Variants in IL6ST observed in about 807,000 individuals in gnomAD.
IL6ST encodes interleukin-6 receptor subunit beta.
Under a neutral mutation model 91.3 loss-of-function variants are expected in IL6ST, and 24 were observed. The observed-to-expected ratio is 0.26, with a 90% CI of 0.19 to 0.37. IL6ST has a LOEUF of 0.37. IL6ST is among the 10% of genes least tolerant of loss of function. IL6ST has a pLI of 1.00. For synonymous variants in IL6ST, 351 were observed against 373.6 expected, an observed-to-expected ratio of 0.94 and a Z score of 0.70; for missense variants, 914 against 1,078.5, an observed-to-expected ratio of 0.85 and a Z score of 2.14.
chr5:55,991,603 T>TTTTTTTTTTTTTTTTTTTTTTTTTTTGAG (rs1554029592), intron 1 of IL6ST, among the ~76,000 whole-genome samples: 2 of 151,916 alleles, frequency 1.3e-5, no homozygotes, highest in African/African-American at 4.9e-5. Flanking sequence ...AACACAACTT[T>TTTTTTTTTTTTTTTTTTTTTTTTTTTGAG]AAACCTGTCA....
intron 14 of IL6ST, among the ~76,000 whole-genome samples, chr5:55,951,178 G>A (rs995775700): frequency 1.1e-4 from 16 of 150,744 alleles, no homozygotes; most frequent in African/African-American, 3.4e-4. Flanking sequence ...GGATAGAGAA[G>A]GAAAGAACAC....
intron 2 of IL6ST, among the ~76,000 whole-genome samples, chr5:55,981,144 A>T (rs972419315): frequency 2.6e-5 from 4 of 152,236 alleles, no homozygotes; most frequent in Admixed American, 2.0e-4. Context: ...ACACAAGCAA[A>T]GCGAACTAGG....
At chr5:55,952,380 T>G (rs1751689792) in intron 11 of IL6ST, 29 bp from the exon 12 acceptor site, 1 of 1,290,556 alleles carries the variant, frequency 7.7e-7, no homozygotes, top group Non-Finnish European at 1.1e-6. Context: ...ATTAAGCATG[T>G]TTTTCCATAA....
intron 3 of IL6ST, among the ~76,000 whole-genome samples, chr5:55,973,678 C>T (rs1753094137): frequency 6.6e-6 from 1 of 152,164 alleles, no homozygotes; most frequent in Non-Finnish European, 1.5e-5. Context: ...TCTGATTGTG[C>T]CTGCCTATCT....
At position 55,956,159 on chromosome 5, in the gene IL6ST, T is replaced by C. The variant is rs149924543; in HGVS notation, c.1133A>G (p.Gln378Arg). ...VTLTRWKSHL[Q>R]NYTVNATKLT... is the part of the protein sequence containing the mutation. The stretch of plus-strand genomic sequence containing the variant: ...TTTTGTGGCATTAACTGTGTAATTT[T>C]GTAAATGTGATTTCCATCTTGTGAG... Residue 378 changes from glutamine to arginine, a missense_variant, in exon 10 of 17, where the codon CAA (glutamine) becomes CGA (arginine). Gln to Arg is a conservative substitution (Grantham distance 43). Transcript: ENST00000381298. 405 of 1,612,796 alleles carry C rather than the reference T, an allele frequency of 2.5e-4. No homozygotes were observed. Among genetic ancestry groups the C allele is most frequent in the Non-Finnish European group, 3.3e-4 (389 of 1,178,850 alleles).
At chr5:55,994,612 G>A (rs1466319637) in intron 1 of IL6ST, among the ~76,000 whole-genome samples, 172 bp downstream of exon 1, 2 of 152,086 alleles carry the variant, frequency 1.3e-5, no homozygotes, top group East Asian at 1.9e-4. Context: ...AGTAGAATTC[G>A]GAGGTCCGGG....
In IL6ST at chr5:55,941,514, T is replaced by C; in HGVS notation, c.2325A>G (p.Gln775=). The change falls in exon 17 of 17, where the codon CAA becomes CAG. Residue 775 remains glutamine (Q), a synonymous_variant. Transcript: ENST00000381298. ...SGYRHQVPSV[Q]VFSRSESTQP... is the part of the protein sequence containing the mutation. ...GGGTAGACTCGGATCTTGAGAAGAC[T>C]TGGACTGACGGAACTTGGTGTCTGT... 7.4e-6 allele frequency: 12 copies of C among 1,614,142 alleles called. No homozygotes were observed. The highest frequency in any genetic ancestry group is 1.0e-5 in the Non-Finnish European group (12 of 1,179,996).
chr5:55,990,289 AAAGAAG>A (rs67485722), intron 1 of IL6ST, among the ~76,000 whole-genome samples: 9 of 151,990 alleles, frequency 5.9e-5, no homozygotes, highest in Admixed American at 4.6e-4. Flanking sequence ...TTTAAAAAAA[AAAGAAG>A]AAGAAGAGAC....
At chr5:55,992,382 G>T (rs979979998) in intron 1 of IL6ST, among the ~76,000 whole-genome samples, 8 of 152,136 alleles carry the variant, frequency 5.3e-5, no homozygotes, top group African/African-American at 1.9e-4. Context: ...CTGAAGCCAG[G>T]CTGTCTATGT....
chr5:55,952,411 C>T (rs573761022), intron 11 of IL6ST, 60 bp from the exon 12 acceptor site: 5 of 902,232 alleles, frequency 5.5e-6, no homozygotes, highest in African/African-American at 5.0e-5. Context: ...AAGTTAATAC[C>T]GTAATTTATT....
Position 55,941,392 on chromosome 5 carries a change from T to C in IL6ST, c.2447A>G (p.Lys816Arg), listed in dbSNP as rs765498089. ...DGILPRQQYF[K>R]QNCSQHESSP... ...GGATTCATGCTGACTGCAGTTCTGT[T>C]TGAAGTACTGTTGCCTGGGCAAAAT... is the stretch of plus-strand genomic sequence containing the variant. Residue 816 changes from lysine (K) to arginine (R), a missense_variant, in exon 17 of 17, where the codon AAA (lysine) becomes AGA (arginine). Transcript: ENST00000381298. The C allele has an allele frequency of 6.8e-6, 11 of 1,614,080 alleles. No individual in the cohort carries two copies. In the Admixed American group the frequency reaches 1.8e-4, roughly 27 times the overall value.
At chr5:55,989,428 G>A (rs754903517) in intron 1 of IL6ST, among the ~76,000 whole-genome samples, 2 of 152,152 alleles carry the variant, frequency 1.3e-5, no homozygotes, top group African/African-American at 2.4e-5. Context: ...GCACATGCAT[G>A]TATAAGCATA....
At chr5:55,947,359 G>A in intron 15 of IL6ST, 134 bp downstream of exon 15, 2 of 615,290 alleles carry the variant, frequency 3.3e-6, no homozygotes, top group Non-Finnish European at 5.8e-6. Context: ...TGTGATTATG[G>A]TGGTAGTTAT....
intron 1 of IL6ST, among the ~76,000 whole-genome samples, chr5:55,987,073 G>A (rs191501505): frequency 1.1e-4 from 16 of 152,342 alleles, no homozygotes; most frequent in South Asian, 2.1e-4. Context: ...GCTGAGGTGA[G>A]AGGACTGCTT....
At chr5:55,953,883 A>G (rs1452643093) in intron 11 of IL6ST, among the ~76,000 whole-genome samples, 1 of 152,206 alleles carries the variant, frequency 6.6e-6, no homozygotes, top group Non-Finnish European at 1.5e-5. Flanking sequence ...GATACTCCAG[A>G]GGATGAGGCA....
intron 8 of IL6ST, among the ~76,000 whole-genome samples, chr5:55,958,256 C>T (rs1035053514): frequency 1.3e-5 from 2 of 151,974 alleles, no homozygotes; most frequent in African/African-American, 2.4e-5. Context: ...GGCCACCATA[C>T]CCAGCCAAAA....
chr5:55,956,060 G>C lies in IL6ST; in HGVS notation c.1232C>G (p.Ala411Gly). 1 of 1,613,298 alleles carries C rather than the reference G, an allele frequency of 6.2e-7. No individual in the cohort carries two copies. Among genetic ancestry groups the C allele is most frequent in the African/African-American group, 1.3e-5 (1 of 74,978 alleles). The change falls in exon 10 of 17, where the codon GCA becomes GGA. Residue 411 changes from alanine (A) to glycine (G), a missense_variant. By Grantham distance (60) the Ala-to-Gly change is moderately conservative. Coordinates refer to ENST00000381298, the MANE Select transcript of IL6ST (RefSeq NM_002184.4). ...TVRNLVGKSD[A>G]AVLTIPACDF... The stretch of plus-strand genomic sequence containing the variant: ...ACAGGCAGGGATAGTTAAAACAGCT[G>C]CATCTGATTTGCCAACAAGATTTCT...
rs1750457177 is a variant in IL6ST at position 55,935,527 on chromosome 5, T to C, written c.*5555A>G. ...GCCTTTCCATGATCTTACTAAGTTG[T>C]CCAAGAGCCAACCCCGATCAGCAGC... On this transcript the variant is annotated 3_prime_UTR_variant, in exon 17 of 17. Transcript: ENST00000381298. 1 of 215,898 alleles carries C rather than the reference T, an allele frequency of 4.6e-6. No homozygotes were observed. The highest frequency in any genetic ancestry group is 9.3e-6 in the Non-Finnish European group (1 of 107,136). 13.4% of individuals were successfully genotyped at this position (215,898 alleles called of 1,614,324 possible).
rs1751637237 is a variant in IL6ST, at chr5:55,951,583, TG to T, written c.1720del (p.His574ThrfsTer9). The T allele has an allele frequency of 6.2e-7, 1 of 1,610,494 alleles. No individual in the cohort carries two copies. Among genetic ancestry groups the T allele is most frequent in the Non-Finnish European group, 8.5e-7 (1 of 1,178,806 alleles). ...CAAAGAGGACAATGTATATTCTGTG[TG>T]GGAAGAATCCACATTCACAGCTGGA... Reference protein sequence around the residue: ...NETAVNVDSSHTEYTLSSLTS... With the variant: ...NETAVNVDSSXTEYTLSSLTS... On this transcript the variant is annotated frameshift_variant, in exon 14 of 17. Coordinates refer to ENST00000381298, the MANE Select transcript of IL6ST (RefSeq NM_002184.4). LOFTEE classifies it high-confidence loss of function.
Sources: allele counts gnomAD v4.1 joint callset (sites outside exome capture counted in the v4.1 genomes callset), GRCh38; gene constraint gnomAD v4.1.1; transcripts MANE v1.5; gene names NCBI Gene and HGNC (gene_info 2026-07-23, HGNC 2026-07-21).